Variants in PTPRB observed in about 807,000 individuals in gnomAD.
The protein encoded by PTPRB is receptor-type tyrosine-protein phosphatase beta.
Under a neutral mutation model 238.1 loss-of-function variants are expected in PTPRB, and 97 were observed. The observed-to-expected ratio is 0.41, with a 90% CI of 0.35 to 0.48. The LOEUF (loss-of-function observed/expected upper bound fraction) is 0.48, where lower values mean the gene tolerates loss of function less well. PTPRB is among the 20% of genes least tolerant of loss of function. PTPRB has a pLI of 0.30. For synonymous variants in PTPRB, 970 were observed against 995.4 expected (o/e 0.97, Z 0.48); for missense variants, 2,292 against 2,681.9 (o/e 0.85, Z 3.21).
intron 15 of PTPRB, among the ~76,000 whole-genome samples, chr12:70,566,091 T>G (rs559017945): frequency 3.0e-4 from 46 of 152,354 alleles, no homozygotes; most frequent in African/African-American, 9.1e-4. Flanking sequence ...CCCTGTTGTC[T>G]TGATTTCAGT....
At chr12:70,527,788 G>A (rs1872632112) in intron 32 of PTPRB, 1 of 152,116 alleles carries the variant, frequency 6.6e-6, no homozygotes, top group Admixed American at 6.5e-5. Context: ...AATACAAGGG[G>A]TCCAAATGTC....
intron 14 of PTPRB, among the ~76,000 whole-genome samples, chr12:70,569,046 G>T (rs1373876016): frequency 6.6e-6 from 1 of 152,082 alleles, no homozygotes; most frequent in African/African-American, 2.4e-5. Context: ...TTAAAAGGTA[G>T]AACTTTTGAA....
chr12:70,626,153 G>GAAGATTTT (rs1159715721), intron 2 of PTPRB, among the ~76,000 whole-genome samples: 1 of 148,544 alleles, frequency 6.7e-6, no homozygotes, highest in East Asian at 1.9e-4. Flanking sequence ...TTTTGGAATA[G>GAAGATTTT]AAGATTTTAA....
intron 12 of PTPRB, 67 bp downstream of exon 12, chr12:70,571,757 G>A (rs1880076274): frequency 2.6e-6 from 4 of 1,528,502 alleles, no homozygotes; most frequent in South Asian, 1.3e-5. Context: ...AAAATTCAAG[G>A]TTCAGATAAA....
Position 70,576,433 on chromosome 12 carries a change from T to C in PTPRB, c.2791A>G (p.Thr931Ala), listed in dbSNP as rs756826561. ...TPGRLYTVTI[T>A]TRSGKYENHS... ...TTTTCATACTTGCCACTCCTTGTAG[T>C]TATGGTCACGGTGTAGAGGCGGCCT... The change falls in exon 11 of 34, where the codon ACT (threonine) becomes GCT (alanine). Residue 931 changes from threonine (T) to alanine (A), a missense_variant. Thr to Ala is a moderately conservative substitution (Grantham distance 58). This residue lies in a region of PTPRB where 1,205 missense variants were observed against 1,287.8 expected (regional missense o/e 0.94). Transcript: ENST00000334414. The C allele has an allele frequency of 6.2e-7, 1 of 1,609,830 alleles. No individual in the cohort carries two copies. The highest frequency in any genetic ancestry group is 8.5e-7 in the Non-Finnish European group (1 of 1,178,098).
chr12:70,588,085 G>A, intron 8 of PTPRB, among the ~76,000 whole-genome samples: 1 of 105,724 alleles, frequency 9.5e-6, no homozygotes, highest in Non-Finnish European at 1.8e-5. Context: ...AACAGAGCAA[G>A]ACTCTGTCTC....
intron 3 of PTPRB, among the ~76,000 whole-genome samples, chr12:70,620,167 C>A (rs777136811): frequency 1.1e-4 from 16 of 152,130 alleles, no homozygotes; most frequent in Non-Finnish European, 2.2e-4. Context: ...ATTCTGATGC[C>A]CTACCTGGGA....
chr12:70,591,101 ATTTT>A, intron 7 of PTPRB, among the ~76,000 whole-genome samples: 1 of 137,450 alleles, frequency 7.3e-6, no homozygotes, highest in South Asian at 2.4e-4. Flanking sequence ...CAGCTAATTA[ATTTT>A]TTTTTTTTTT....
At chr12:70,574,248 G>T (rs1315508411) in intron 11 of PTPRB, among the ~76,000 whole-genome samples, 1 of 152,054 alleles carries the variant, frequency 6.6e-6, no homozygotes, top group Non-Finnish European at 1.5e-5. Flanking sequence ...CAGTATTTTG[G>T]CATGGAAGCT....
chr12:70,572,710 A>C lies in PTPRB; in HGVS notation c.2843-623T>G, dbSNP rs150105408. Among the ~76,000 whole-genome samples, 422 of 151,028 alleles carry C rather than the reference A, an allele frequency of 2.8e-3. 2 individuals are homozygous for C. Among genetic ancestry groups the C allele is most frequent in the African/African-American group, 9.5e-3 (390 of 41,128 alleles). On this transcript the variant is annotated intron_variant, in intron 11 of 33. Coordinates refer to ENST00000334414, the MANE Select transcript of PTPRB (RefSeq NM_001109754.4). The stretch of plus-strand genomic sequence containing the variant: ...CTTGAACCCAGGAGGCACAGGTTGC[A>C]GTGAACCAAGATCACATCATGCCCC...
Position 70,559,344 on chromosome 12 carries a change from T to C in PTPRB, c.4713A>G (p.Thr1571=). ...TAAGAGTAGCAAAACATGTCATACTTGTCCTCACAGATCCAAAAATTGGTT... is the reference window on the plus strand; with the variant it reads ...TAAGAGTAGCAAAACATGTCATACTCGTCCTCACAGATCCAAAAATTGGTT... The part of the protein sequence containing the change: ...YSKPIFGSVR[T]KPDKIQNLHC... The change falls in exon 18 of 34, where the codon ACA becomes ACG. Residue 1571 remains threonine (T), a splice_region_variant and synonymous_variant. Coordinates refer to ENST00000334414, the MANE Select transcript of PTPRB (RefSeq NM_001109754.4). 6.2e-7 allele frequency: 1 copy of C among 1,608,762 alleles called. No homozygotes were observed. Among genetic ancestry groups the C allele is most frequent in the Admixed American group, 1.7e-5 (1 of 60,014 alleles).
chr12:70,572,178 G>T (rs1259806513), intron 11 of PTPRB, 91 bp from the exon 12 acceptor site: 13 of 1,280,860 alleles, frequency 1.0e-5, no homozygotes, highest in Non-Finnish European at 1.4e-5. Flanking sequence ...AAAAGAGAGA[G>T]TAGATTATTA....
rs1871296814 is a variant in PTPRB, at chr12:70,517,660, C to T, written c.*3829G>A. 1 of 152,070 alleles carries T rather than the reference C, an allele frequency of 6.6e-6. No individual in the cohort carries two copies. The highest frequency in any genetic ancestry group is 1.5e-5 in the Non-Finnish European group (1 of 68,022). The allele number at this position is 152,070 out of a possible 1,614,324, so 9.4% of individuals were successfully genotyped here. A position where few individuals can be genotyped will look rare whatever the true frequency, so the allele number is the denominator to read the frequency against. ...CTCAGTGAAATGGAACCCAGAAAGCCCTTGAACTGCTATCATATACAAGCA... is the reference window on the plus strand; with the variant it reads ...CTCAGTGAAATGGAACCCAGAAAGCTCTTGAACTGCTATCATATACAAGCA... On this transcript the variant is annotated 3_prime_UTR_variant, in exon 34 of 34. Coordinates refer to ENST00000334414, the MANE Select transcript of PTPRB (RefSeq NM_001109754.4).
At position 70,544,468 on chromosome 12, in the gene PTPRB, T is replaced by TC. The variant is rs1364269487; in HGVS notation, c.5494+88dup. ...TTAAGTTCCAAATGAAAATAAATGTTCCCCCCACCATCAGCCAATATCTCC... is the reference window on the plus strand; with the variant it reads ...TTAAGTTCCAAATGAAAATAAATGTTCCCCCCCACCATCAGCCAATATCTCC... On this transcript the variant is annotated intron_variant, in intron 22 of 33. Transcript: ENST00000334414. The TC allele has an allele frequency of 6.9e-6, 6 of 873,610 alleles. 1 individual carries two copies. The highest frequency in any genetic ancestry group is 3.0e-5 in the South Asian group (2 of 66,248). 54.1% of individuals were successfully genotyped at this position (873,610 alleles called of 1,614,324 possible).
chr12:70,636,267 G>A (rs1263462093), intron 1 of PTPRB, among the ~76,000 whole-genome samples: 4 of 149,346 alleles, frequency 2.7e-5, no homozygotes, highest in African/African-American at 9.9e-5. Context: ...ATGTCAATAT[G>A]TTACACTTAA....
intron 2 of PTPRB, among the ~76,000 whole-genome samples, chr12:70,633,021 A>G (rs1192185246): frequency 1.3e-5 from 2 of 152,216 alleles, no homozygotes; most frequent in Non-Finnish European, 2.9e-5. Context: ...TATGAAACAA[A>G]TATGAAACAT....
rs1377286381 is a variant in PTPRB at position 70,556,148 on chromosome 12, T to A, written c.4715A>T (p.Lys1572Met). The A allele has an allele frequency of 6.2e-7, 1 of 1,611,436 alleles. No individual in the cohort carries two copies. Among genetic ancestry groups the A allele is most frequent in the Non-Finnish European group, 8.5e-7 (1 of 1,178,420 alleles). Residue 1572 changes from lysine (K) to methionine (M), a missense_variant and splice_region_variant, in exon 19 of 34, where the codon AAG becomes ATG. Lys to Met is a moderately conservative substitution (Grantham distance 95). Coordinates refer to ENST00000334414, the MANE Select transcript of PTPRB (RefSeq NM_001109754.4). ...ATGCAGGTTTTGTATCTTGTCAGGC[T>A]CTAAAGGAAACAGAGGAGGCAACAC... ...SKPIFGSVRT[K>M]PDKIQNLHCR...
chr12:70,600,119 T>A (rs1178727992), intron 4 of PTPRB, among the ~76,000 whole-genome samples: 1 of 152,170 alleles, frequency 6.6e-6, no homozygotes, highest in Non-Finnish European at 1.5e-5. Flanking sequence ...TCTAGACTCT[T>A]TAGAATTAGA....
Position 70,587,207 on chromosome 12 carries a change from A to G in PTPRB, c.2111T>C (p.Met704Thr), listed in dbSNP as rs1380365403. ...CCATTCTGCTACAGGGGTCTGCCAC[A>G]TGATACTCAGTGAGGTTTCATTGGC... ...KHANETSLSI[M>T]WQTPVAEWEK... Residue 704 changes from methionine to threonine, a missense_variant, in exon 9 of 34, where the codon ATG (methionine) becomes ACG (threonine). Coordinates refer to ENST00000334414, the MANE Select transcript of PTPRB (RefSeq NM_001109754.4). The G allele has an allele frequency of 1.9e-6, 3 of 1,613,792 alleles. No homozygotes were observed. The highest frequency in any genetic ancestry group is 1.1e-5 in the South Asian group (1 of 91,082).
Sources: gnomAD v4.1 joint callset for allele counts (sites outside exome capture counted in the v4.1 genomes callset) on GRCh38, gnomAD v4.1.1 for gene constraint, gnomAD v4.1.1 regional missense constraint, MANE v1.5 for transcripts, NCBI Gene and HGNC (gene_info 2026-07-23, HGNC 2026-07-21) for gene names.